The following PCDH15 variants were observed in gnomAD, a reference collection of about 807,000 sequenced individuals.
The protein encoded by PCDH15 is protocadherin related 15, also known as protocadherin-15.
In PCDH15, 129 loss-of-function variants were observed where a neutral mutation model predicts 178.5. The observed-to-expected ratio is 0.72, with a 90% CI of 0.63 to 0.84. The LOEUF (loss-of-function observed/expected upper bound fraction) is 0.84. PCDH15 is among the 40% of genes least tolerant of loss of function. PCDH15 has a pLI of 0.00. For synonymous variants in PCDH15, 800 were observed against 732.0 expected (o/e 1.09, Z -1.50); for missense variants, 2,230 against 2,099.9 (o/e 1.06, Z -1.21).
chr10:54,820,607 A>T (rs1953022015), intron 3 of PCDH15, among the ~76,000 whole-genome samples: 3 of 152,038 alleles, frequency 2.0e-5, no homozygotes. Context: ...ATTTACGTTA[A>T]ATGTTGCTTA....
intron 2 of PCDH15, among the ~76,000 whole-genome samples, chr10:55,083,666 C>T (rs1318223857): frequency 6.6e-6 from 1 of 151,742 alleles, no homozygotes; most frequent in African/African-American, 2.4e-5. Context: ...TGGGAAAAAC[C>T]TAAAGACTTC....
intron 25 of PCDH15, chr10:53,905,085 A>G: frequency 2.1e-6 from 1 of 470,936 alleles, no homozygotes. Context: ...ACCAAATCCT[A>G]CATGTCAGCC....
At chr10:54,298,468 G>C (rs1475360290) in intron 8 of PCDH15, among the ~76,000 whole-genome samples, 20 of 152,164 alleles carry the variant, frequency 1.3e-4, no homozygotes, top group Non-Finnish European at 5.9e-5. Context: ...ACAGAAAATG[G>C]AGCAGGCCAA....
chr10:53,867,721 T>C (rs752724035), intron 26 of PCDH15, among the ~76,000 whole-genome samples: 2 of 152,072 alleles, frequency 1.3e-5, no homozygotes, highest in Non-Finnish European at 2.9e-5. Context: ...GTATATAGCC[T>C]AAGGAGGATA....
chr10:54,671,675 G>A (rs947752325), intron 1 of PCDH15, among the ~76,000 whole-genome samples: 28 of 152,158 alleles, frequency 1.8e-4, no homozygotes, highest in African/African-American at 5.3e-4. Flanking sequence ...ACTGAGCACT[G>A]ATTCTGGATA....
At chr10:55,139,568 C>T (rs1838291481) in intron 2 of PCDH15, among the ~76,000 whole-genome samples, 1 of 151,956 alleles carries the variant, frequency 6.6e-6, no homozygotes, top group South Asian at 2.1e-4. Context: ...CATTAAATTG[C>T]TTTTGCAATT....
At chr10:54,021,367 A>G (rs1169288516) in intron 19 of PCDH15, among the ~76,000 whole-genome samples, 1 of 152,024 alleles carries the variant, frequency 6.6e-6, no homozygotes, top group Non-Finnish European at 1.5e-5. Context: ...CCTCCAATCA[A>G]TTATTGACTT....
At position 53,982,563 on chromosome 10, in the gene PCDH15, C is replaced by A. The variant is rs1165709042; in HGVS notation, c.2868+13086G>T. ...GAAACCATCATTTTCAGCAAACTAT[C>A]ACAAGGACAAAAAACCAAACACCGC... On this transcript the variant is annotated intron_variant, in intron 21 of 37. Coordinates refer to ENST00000644397, the MANE Select transcript of PCDH15 (RefSeq NM_001384140.1). Among the ~76,000 whole-genome samples the A allele has an allele frequency of 2.0e-5, 3 of 150,442 alleles. No individual in the cohort carries two copies. The Admixed American group carries it at 2.0e-4, about 10-fold the overall frequency.
In PCDH15 at chr10:54,753,799, G is replaced by T. The variant is rs748141736; in HGVS notation, c.-29+47126C>A. Among the ~76,000 whole-genome samples, 3 of 151,608 alleles carry T rather than the reference G, an allele frequency of 2.0e-5. No individual in the cohort carries two copies. The South Asian group carries it at 6.2e-4, about 32-fold the overall frequency. ...GTGACCTCGGCACCAGGGTGTACTG[G>T]CTCACTTCCCTAAATCTGGAATGTA... On this transcript the variant is annotated intron_variant, in intron 1 of 37. Transcript: ENST00000644397.
intron 1 of PCDH15, among the ~76,000 whole-genome samples, chr10:54,686,161 C>G (rs932488846): frequency 6.7e-6 from 1 of 148,910 alleles, no homozygotes; most frequent in Non-Finnish European, 1.5e-5. Context: ...CAGGTGTGAG[C>G]CACCGCACTC....
intron 1 of PCDH15, among the ~76,000 whole-genome samples, chr10:54,776,939 C>T (rs28537969): frequency 1.3e-5 from 2 of 151,758 alleles, no homozygotes; most frequent in African/African-American, 4.8e-5. Flanking sequence ...CTAGGGAGTG[C>T]GAAGAAGAGA....
chr10:54,034,830 TTTTC>T (rs964505127), intron 18 of PCDH15, among the ~76,000 whole-genome samples: 3 of 152,036 alleles, frequency 2.0e-5, no homozygotes, highest in Non-Finnish European at 4.4e-5. Flanking sequence ...TGTCAGTTTG[TTTTC>T]TTTAATTGTG....
chr10:54,581,292 T>C (rs1026556576), intron 2 of PCDH15, among the ~76,000 whole-genome samples: 1 of 151,970 alleles, frequency 6.6e-6, no homozygotes, highest in Non-Finnish European at 1.5e-5. Flanking sequence ...ATTTCTATAA[T>C]GTTCAAGTGG....
At chr10:53,822,782 T>C in intron 32 of PCDH15, 2 of 1,614,132 alleles carry the variant, frequency 1.2e-6, no homozygotes, top group Non-Finnish European at 1.7e-6. Context: ...GTTCTGTTCC[T>C]TCTATCATCA....
intron 20 of PCDH15, among the ~76,000 whole-genome samples, chr10:54,004,434 AG>A (rs1379451964): frequency 7.8e-6 from 1 of 128,294 alleles, no homozygotes; most frequent in Non-Finnish European, 1.6e-5. Flanking sequence ...CACCACACAA[AG>A]TATTAGAACT....
At chr10:53,848,022 T>C (rs1038642725) in intron 28 of PCDH15, among the ~76,000 whole-genome samples, 3 of 152,072 alleles carry the variant, frequency 2.0e-5, no homozygotes, top group African/African-American at 7.2e-5. Context: ...AAACATTTTG[T>C]GGAGTTTATG....
At chr10:54,461,752 T>C (rs2077177923) in intron 3 of PCDH15, among the ~76,000 whole-genome samples, 1 of 152,130 alleles carries the variant, frequency 6.6e-6, no homozygotes, top group Non-Finnish European at 1.5e-5. Context: ...CTTTGGACTA[T>C]AGTAAGAATT....
intron 25 of PCDH15, among the ~76,000 whole-genome samples, chr10:53,904,478 T>TTG (rs1209480659): frequency 6.6e-6 from 1 of 151,840 alleles, no homozygotes; most frequent in Non-Finnish European, 1.5e-5. Context: ...CTTTTTTTTT[T>TTG]TTTTGCTTGC....
At chr10:54,212,318 G>A (rs996208130) in intron 10 of PCDH15, among the ~76,000 whole-genome samples, 1 of 152,030 alleles carries the variant, frequency 6.6e-6, no homozygotes, top group Non-Finnish European at 1.5e-5. Context: ...TTAAAGTGGT[G>A]TTTTTTGTTG....
Sources: allele counts gnomAD v4.1 joint callset (sites outside exome capture counted in the v4.1 genomes callset), GRCh38; gene constraint gnomAD v4.1.1; transcripts MANE v1.5; gene names NCBI Gene and HGNC (gene_info 2026-07-23, HGNC 2026-07-21).